PCDHGB2: variants seen among roughly 807,000 people sequenced by gnomAD.
PCDHGB2 encodes protocadherin gamma-B2.
A neutral mutation model predicts 59.3 loss-of-function variants in PCDHGB2; 55 were observed. The observed-to-expected ratio is 0.93, with a 90% CI of 0.75 to 1.16. PCDHGB2 has a LOEUF of 1.16. Among genes scored for constraint, PCDHGB2 ranks in the 50% most tolerant of loss-of-function variants. The probability of loss-of-function intolerance (pLI) is 0.00; values close to 1 mark genes in which losing one functional copy is unlikely to be tolerated. For missense variants in PCDHGB2, 1,228 were observed against 1,198.5 expected (o/e 1.02, Z -0.36); for synonymous variants, 516 against 512.0 (o/e 1.01, Z -0.11).
chr5:141,436,962 C>A (rs1462988296), intron 1 of PCDHGB2, among the ~76,000 whole-genome samples: 1 of 152,144 alleles, frequency 6.6e-6, no homozygotes, highest in Non-Finnish European at 1.5e-5. Context: ...AAACAAGGAT[C>A]TTGTGAAACT....
intron 1 of PCDHGB2, chr5:141,371,270 C>T (rs778912997): frequency 6.2e-7 from 1 of 1,613,894 alleles, no homozygotes; most frequent in African/African-American, 1.3e-5. Flanking sequence ...GACAACTGTT[C>T]AAGCTGGACA....
intron 1 of PCDHGB2, chr5:141,393,872 T>G (rs774307056): frequency 1.2e-6 from 2 of 1,613,898 alleles, no homozygotes; most frequent in Admixed American, 3.3e-5. Flanking sequence ...CGTCTTTGTT[T>G]AGCCCAGTGT....
At chr5:141,471,942 A>G (rs1163887457) in intron 1 of PCDHGB2, among the ~76,000 whole-genome samples, 1 of 152,192 alleles carries the variant, frequency 6.6e-6, no homozygotes, top group Non-Finnish European at 1.5e-5. Flanking sequence ...AGAGTTTTCT[A>G]AAACTGGATT....
intron 1 of PCDHGB2, chr5:141,404,364 T>A (rs1353392173): frequency 2.5e-6 from 4 of 1,613,962 alleles, no homozygotes; most frequent in Non-Finnish European, 3.4e-6. Context: ...GGTACTTCCA[T>A]CTTCTCCGTG....
chr5:141,423,516 C>T (rs2096749721), intron 1 of PCDHGB2: 1 of 1,613,732 alleles, frequency 6.2e-7, no homozygotes, highest in Non-Finnish European at 8.5e-7. Flanking sequence ...TCATTGCGGA[C>T]TCGCAGAAGA....
chr5:141,459,573 T>TTC (rs2098970689), intron 1 of PCDHGB2, among the ~76,000 whole-genome samples: 1 of 152,208 alleles, frequency 6.6e-6, no homozygotes, highest in Non-Finnish European at 1.5e-5. Context: ...CAAAACAGAA[T>TTC]TGTTTTGGGG....
chr5:141,372,787 C>A (rs370329594), intron 1 of PCDHGB2: 229 of 1,603,212 alleles, frequency 1.4e-4, no homozygotes, highest in Non-Finnish European at 1.9e-4. Flanking sequence ...GAAATGCCTT[C>A]TAATTCAGGC....
At chr5:141,452,673 G>A (rs2098746812) in intron 1 of PCDHGB2, among the ~76,000 whole-genome samples, 1 of 151,896 alleles carries the variant, frequency 6.6e-6, no homozygotes, top group Non-Finnish European at 1.5e-5. Flanking sequence ...CTCCAGCCTA[G>A]GCCACAGAAT....
At chr5:141,478,755 A>G in intron 1 of PCDHGB2, 1 of 1,519,784 alleles carries the variant, frequency 6.6e-7, no homozygotes, top group South Asian at 1.3e-5. Flanking sequence ...TTCAGGGGGA[A>G]GATACTTGAC....
intron 2 of PCDHGB2, among the ~76,000 whole-genome samples, chr5:141,497,175 A>T (rs2154592067): frequency 6.7e-6 from 1 of 150,262 alleles, no homozygotes; most frequent in East Asian, 1.9e-4. Context: ...AAATCACAGT[A>T]AGTTCTGAGA....
At chr5:141,386,934 T>C (rs568938502) in intron 1 of PCDHGB2, among the ~76,000 whole-genome samples, 1 of 152,316 alleles carries the variant, frequency 6.6e-6, no homozygotes, top group Non-Finnish European at 1.5e-5. Flanking sequence ...AGTGCAGAGG[T>C]AGGAAGCAGT....
At chr5:141,417,940 C>G in intron 1 of PCDHGB2, 2 of 1,613,052 alleles carry the variant, frequency 1.2e-6, no homozygotes, top group Non-Finnish European at 1.7e-6. Context: ...TGTTCTACCC[C>G]ACGCTGTGTG....
At chr5:141,387,576 G>A in intron 1 of PCDHGB2, 2 of 487,618 alleles carry the variant, frequency 4.1e-6, no homozygotes, top group Non-Finnish European at 7.2e-6. Flanking sequence ...TATAATTATT[G>A]CACTGGTTAA....
At chr5:141,366,088 C>G (rs752144187) in intron 1 of PCDHGB2, 2 of 1,614,256 alleles carry the variant, frequency 1.2e-6, no homozygotes, top group South Asian at 2.2e-5. Context: ...AACCTGGCTA[C>G]CTGGTGACCA....
intron 1 of PCDHGB2, chr5:141,430,625 G>T: frequency 1.3e-6 from 1 of 788,104 alleles, no homozygotes; most frequent in Non-Finnish European, 1.9e-6. Context: ...AGCTAGGAAT[G>T]AACCATCCCT....
chr5:141,399,968 G>T (rs1173181110), intron 1 of PCDHGB2: 2 of 1,612,128 alleles, frequency 1.2e-6, no homozygotes, highest in Non-Finnish European at 1.7e-6. Flanking sequence ...GGGCTCTTCA[G>T]CCTGGGGCTG....
intron 1 of PCDHGB2, among the ~76,000 whole-genome samples, chr5:141,452,267 G>C (rs995249228): frequency 1.3e-5 from 2 of 151,882 alleles, no homozygotes; most frequent in Non-Finnish European, 2.9e-5. Context: ...TCATTTTCTT[G>C]AACCCTTTCT....
At chr5:141,478,045 T>C in intron 1 of PCDHGB2, 3 of 1,614,144 alleles carry the variant, frequency 1.9e-6, no homozygotes, top group East Asian at 2.2e-5. Flanking sequence ...CCAGGCAGAC[T>C]CTCACGGTCT....
chr5:141,374,242 A>G (rs1181789478), intron 1 of PCDHGB2: 2 of 1,613,868 alleles, frequency 1.2e-6, no homozygotes, highest in Admixed American at 3.3e-5. Context: ...AGGATCTGGG[A>G]CTGGAGCCCC....
Sources: allele counts gnomAD v4.1 joint callset (sites outside exome capture counted in the v4.1 genomes callset), GRCh38; gene constraint gnomAD v4.1.1; transcripts MANE v1.5; gene names NCBI Gene and HGNC (gene_info 2026-07-23, HGNC 2026-07-21).